Variants in GPC6 observed in about 807,000 individuals in gnomAD.
GPC6 encodes the protein glypican 6.
In GPC6, 14 loss-of-function variants were observed where a neutral mutation model predicts 55.2. The ratio of observed to expected loss-of-function variants is 0.25; its 90% confidence interval spans 0.17 to 0.40. The LOEUF (loss-of-function observed/expected upper bound fraction) is 0.40, where lower values mean the gene tolerates loss of function less well. Among genes scored for constraint, GPC6 ranks in the 10% least tolerant of loss-of-function variants. GPC6 has a pLI of 1.00. For synonymous variants in GPC6, 278 were observed against 259.6 expected, an observed-to-expected ratio of 1.07 and a Z score of -0.68; for missense variants, 641 against 708.5, an observed-to-expected ratio of 0.90 and a Z score of 1.08.
intron 1 of GPC6, among the ~76,000 whole-genome samples, chr13:93,253,682 A>G (rs1177604963): frequency 1.3e-5 from 2 of 152,156 alleles, no homozygotes; most frequent in Non-Finnish European, 2.9e-5. Context: ...CCCTAATTAT[A>G]TAGTTAATAT....
chr13:93,884,335 G>A (rs1441189433), intron 3 of GPC6, among the ~76,000 whole-genome samples: 7 of 152,044 alleles, frequency 4.6e-5, no homozygotes, highest in Non-Finnish European at 4.4e-5. Flanking sequence ...TAGAATGCAA[G>A]TTTATCAATT....
At chr13:93,861,553 AC>A (rs762334219) in intron 3 of GPC6, among the ~76,000 whole-genome samples, 1 of 151,680 alleles carries the variant, frequency 6.6e-6, no homozygotes, top group Non-Finnish European at 1.5e-5. Flanking sequence ...TTCTCTCCCA[AC>A]AAAATGTTTA....
chr13:93,305,353 C>T (rs887778340), intron 1 of GPC6, among the ~76,000 whole-genome samples: 2 of 152,124 alleles, frequency 1.3e-5, no homozygotes, highest in Admixed American at 6.6e-5. Flanking sequence ...AGACCCCTTG[C>T]TCAGCACCTG....
At chr13:93,346,967 TCA>T in intron 1 of GPC6, among the ~76,000 whole-genome samples, 1 of 152,204 alleles carries the variant, frequency 6.6e-6, no homozygotes, top group Non-Finnish European at 1.5e-5. Flanking sequence ...GGTTGATTGG[TCA>T]TACATAAATG....
intron 3 of GPC6, among the ~76,000 whole-genome samples, chr13:93,942,061 A>T (rs1019933377): frequency 1.3e-5 from 2 of 152,184 alleles, no homozygotes; most frequent in African/African-American, 2.4e-5. Context: ...TCCTAAGTTC[A>T]GGCTGGCATG....
At chr13:93,359,616 T>A (rs994901367) in intron 1 of GPC6, among the ~76,000 whole-genome samples, 1 of 152,222 alleles carries the variant, frequency 6.6e-6, no homozygotes, top group Non-Finnish European at 1.5e-5. Flanking sequence ...TATAGTTAAG[T>A]ATATTTTAAA....
At position 94,358,258 on chromosome 13, in the gene GPC6, C is replaced by T. The variant is rs542566542; in HGVS notation, c.1153-24156C>T. ...GAGCTGAGATAGTGCCACCGCACTC[C>T]AGCCTAGGCGACAGAGCAAGACTCC... is the stretch of plus-strand genomic sequence containing the variant. On this transcript the variant is annotated intron_variant, in intron 6 of 8. Coordinates refer to ENST00000377047, the MANE Select transcript of GPC6 (RefSeq NM_005708.5). 1.0e-4 allele frequency among the ~76,000 whole-genome samples: 15 copies of T among 146,110 alleles called. No individual in the cohort carries two copies. In the South Asian group the frequency reaches 1.7e-3, roughly 17 times the overall value.
intron 4 of GPC6, among the ~76,000 whole-genome samples, chr13:94,134,390 C>A (rs1341424234): frequency 6.6e-6 from 1 of 152,144 alleles, no homozygotes; most frequent in Admixed American, 6.5e-5. Flanking sequence ...CCAAATAGAT[C>A]CTAGGAAGGG....
At chr13:93,565,638 G>C (rs56883667) in intron 2 of GPC6, among the ~76,000 whole-genome samples, 6,188 of 152,086 alleles carry the variant, frequency 0.041, 437 homozygotes, top group African/African-American at 0.14. Flanking sequence ...AAACACATCT[G>C]GTCAGCTGGG....
chr13:94,321,254 G>T (rs1876808342), intron 6 of GPC6, among the ~76,000 whole-genome samples: 1 of 152,144 alleles, frequency 6.6e-6, no homozygotes, highest in Non-Finnish European at 1.5e-5. Flanking sequence ...TGACCTCATT[G>T]TTTATGGCTG....
intron 6 of GPC6, among the ~76,000 whole-genome samples, chr13:94,315,484 G>A (rs1002220257): frequency 8.5e-5 from 13 of 152,294 alleles, no homozygotes; most frequent in Admixed American, 8.5e-4. Context: ...TGTGGCAAAG[G>A]TGGCTGTTCA....
At chr13:93,662,527 G>A (rs1880965792) in intron 2 of GPC6, among the ~76,000 whole-genome samples, 1 of 152,082 alleles carries the variant, frequency 6.6e-6, no homozygotes, top group African/African-American at 2.4e-5. Flanking sequence ...CTACTTGGGA[G>A]GCAGAGGCAG....
At chr13:93,578,033 C>T (rs1240637075) in intron 2 of GPC6, among the ~76,000 whole-genome samples, 1 of 152,058 alleles carries the variant, frequency 6.6e-6, no homozygotes, top group East Asian at 1.9e-4. Context: ...AATGTTGAGC[C>T]ATCCTTGGTA....
At chr13:93,377,995 G>C (rs199518441) in intron 1 of GPC6, among the ~76,000 whole-genome samples, 2 of 152,304 alleles carry the variant, frequency 1.3e-5, no homozygotes, top group South Asian at 2.1e-4. Context: ...AAATAGCACT[G>C]TAGATTTAAG....
intron 1 of GPC6, among the ~76,000 whole-genome samples, chr13:93,501,946 C>T (rs1445254): frequency 1.3e-5 from 2 of 152,076 alleles, no homozygotes; most frequent in Non-Finnish European, 2.9e-5. Context: ...ATGCTCACTT[C>T]TAGTAGAATG....
chr13:93,769,500 C>T (rs1031203642), intron 2 of GPC6, among the ~76,000 whole-genome samples: 1 of 151,834 alleles, frequency 6.6e-6, no homozygotes, highest in African/African-American at 2.4e-5. Flanking sequence ...CTGGGAGGAT[C>T]ACCTTTCTCC....
At chr13:93,479,555 G>A (rs991230935) in intron 1 of GPC6, among the ~76,000 whole-genome samples, 5 of 151,924 alleles carry the variant, frequency 3.3e-5, no homozygotes, top group African/African-American at 1.2e-4. Flanking sequence ...AGGCCAAGGC[G>A]GGCAGATCAC....
chr13:93,973,260 G>A lies in GPC6; in HGVS notation c.712-54469G>A, dbSNP rs115347583. Reference sequence around the variant, plus strand: ...ATAGAGTAGGCATTTGTAACACAGTGGTACTTATGTATCTAAACATACCTA... The same window carrying A: ...ATAGAGTAGGCATTTGTAACACAGTAGTACTTATGTATCTAAACATACCTA... On this transcript the variant is annotated intron_variant, in intron 3 of 8. Coordinates refer to ENST00000377047, the MANE Select transcript of GPC6 (RefSeq NM_005708.5). Among the ~76,000 whole-genome samples, 418 of 152,208 alleles carry A rather than the reference G, an allele frequency of 2.7e-3. 3 individuals are homozygous for A. The highest frequency in any genetic ancestry group is 9.8e-3 in the African/African-American group (408 of 41,536).
chr13:94,126,454 C>A (rs898216911), intron 4 of GPC6, among the ~76,000 whole-genome samples: 3 of 152,098 alleles, frequency 2.0e-5, no homozygotes, highest in African/African-American at 7.2e-5. Flanking sequence ...TTATACTTAA[C>A]AGTACAAGCC....
Sources: allele counts gnomAD v4.1 joint callset (sites outside exome capture counted in the v4.1 genomes callset), GRCh38; gene constraint gnomAD v4.1.1; transcripts MANE v1.5; gene names NCBI Gene and HGNC (gene_info 2026-07-23, HGNC 2026-07-21).